TMPRSS7: variants seen among roughly 807,000 people sequenced by gnomAD.
The protein encoded by TMPRSS7 is transmembrane protease serine 7.
In TMPRSS7, 81 loss-of-function variants were observed where a neutral mutation model predicts 95.6. That is an observed-to-expected ratio of 0.85 (90% confidence interval 0.71 to 1.02). The LOEUF (loss-of-function observed/expected upper bound fraction) is 1.02. TMPRSS7 is among the 50% of genes least tolerant of loss of function. TMPRSS7 has a pLI of 0.00. For synonymous variants in TMPRSS7, 364 were observed against 337.8 expected (o/e 1.08, Z -0.85); for missense variants, 945 against 955.2 (o/e 0.99, Z 0.14).
chr3:112,080,921 C>T (rs1055272448), exon 18 of TMPRSS7: 30 of 1,612,014 alleles, frequency 1.9e-5, no homozygotes, highest in South Asian at 8.8e-5. Context: ...TAGGGAGATT[C>T]GGGTGGACCT....
chr3:112,046,925 A>C, intron 5 of TMPRSS7, 49 bp from the exon 6 acceptor site: 1 of 694,376 alleles, frequency 1.4e-6, no homozygotes, highest in South Asian at 1.5e-5. Context: ...AATTCTAACA[A>C]AATGAAATGA....
At chr3:112,059,684 A>G (rs1363575181) in intron 10 of TMPRSS7, among the ~76,000 whole-genome samples, 1 of 152,216 alleles carries the variant, frequency 6.6e-6, no homozygotes, top group Non-Finnish European at 1.5e-5. Flanking sequence ...AGCCAGAAGG[A>G]CATCTGCACT....
In TMPRSS7 at chr3:112,038,831, C is replaced by CT. The variant is rs567128294; in HGVS notation, c.298+522dup. 6.8e-3 allele frequency among the ~76,000 whole-genome samples: 990 copies of CT among 145,452 alleles called. 12 individuals carry two copies. Among genetic ancestry groups the CT allele is most frequent in the South Asian group, 0.024 (108 of 4,558 alleles). On this transcript the variant is annotated intron_variant, in intron 2 of 17. Transcript: ENST00000452346. ...TAAGCCAGAATTCTCTTTCTCATTT[C>CT]TTTTTTTTTTTTACCAACACCATTT... is the stretch of plus-strand genomic sequence containing the variant.
chr3:112,051,975 C>T (rs1043877494), intron 9 of TMPRSS7, among the ~76,000 whole-genome samples: 20 of 152,142 alleles, frequency 1.3e-4, no homozygotes, highest in African/African-American at 4.8e-4. Flanking sequence ...AGGCACGATT[C>T]CAGATACTGG....
chr3:112,043,618 T>G (rs1377342029), intron 3 of TMPRSS7, among the ~76,000 whole-genome samples: 1 of 152,194 alleles, frequency 6.6e-6, no homozygotes, highest in Non-Finnish European at 1.5e-5. Context: ...GTTTTCAAAT[T>G]ACATAGGAAG....
At chr3:112,057,465 T>A (rs892521106) in intron 10 of TMPRSS7, among the ~76,000 whole-genome samples, 7 of 152,046 alleles carry the variant, frequency 4.6e-5, no homozygotes, top group African/African-American at 1.2e-4. Context: ...TGAAAAAAAA[T>A]GTTAGAGACC....
intron 10 of TMPRSS7, among the ~76,000 whole-genome samples, chr3:112,057,749 A>G (rs932667262): frequency 3.9e-5 from 6 of 152,108 alleles, no homozygotes; most frequent in African/African-American, 1.4e-4. Flanking sequence ...TTTTTGAGAC[A>G]GAGTTTTGCT....
chr3:112,069,074 A>G (rs2073610855), intron 13 of TMPRSS7, among the ~76,000 whole-genome samples: 1 of 152,166 alleles, frequency 6.6e-6, no homozygotes, highest in South Asian at 2.1e-4. Flanking sequence ...GCATCTGTTG[A>G]GATAATCACG....
intron 13 of TMPRSS7, 47 bp from the exon 14 acceptor site, chr3:112,074,249 T>A (rs748912100): frequency 4.4e-6 from 6 of 1,370,146 alleles, no homozygotes; most frequent in Middle Eastern, 1.8e-4. Flanking sequence ...TTCACTCAAG[T>A]TTGTTTCTGG....
At chr3:112,042,996 A>G (rs2073228806) in intron 3 of TMPRSS7, 1 of 455,768 alleles carries the variant, frequency 2.2e-6, no homozygotes, top group Non-Finnish European at 4.4e-6. Context: ...AGGTGGTGAG[A>G]GAGAGGGCAC....
chr3:112,036,740 A>G (rs987967959), intron 1 of TMPRSS7, among the ~76,000 whole-genome samples: 1 of 152,210 alleles, frequency 6.6e-6, no homozygotes, highest in African/African-American at 2.4e-5. Flanking sequence ...GAAAGAACCT[A>G]GAAACTGTTG....
chr3:112,037,940 T>C (rs553645983), intron 1 of TMPRSS7, 132 bp from the exon 2 acceptor site: 14 of 605,368 alleles, frequency 2.3e-5, no homozygotes, highest in South Asian at 1.6e-4. Context: ...TAATTTGATA[T>C]ACTTACATAA....
chr3:112,035,583 G>T (rs1311941721), intron 1 of TMPRSS7, among the ~76,000 whole-genome samples: 1 of 152,176 alleles, frequency 6.6e-6, no homozygotes, highest in East Asian at 1.9e-4. Flanking sequence ...GAACTCTTAA[G>T]GACAGTGCAA....
chr3:112,063,844 G>A (rs768106961), intron 12 of TMPRSS7, among the ~76,000 whole-genome samples: 23 of 152,126 alleles, frequency 1.5e-4, no homozygotes, highest in Non-Finnish European at 2.6e-4. Flanking sequence ...GGGCTCATAT[G>A]GGTGGCTCTG....
intron 9 of TMPRSS7, among the ~76,000 whole-genome samples, chr3:112,055,978 G>A (rs948641288): frequency 1.3e-5 from 2 of 152,102 alleles, no homozygotes; most frequent in Admixed American, 6.5e-5. Context: ...GATCACTTGA[G>A]CCCAGGAGTT....
chr3:112,046,888 G>A, intron 5 of TMPRSS7, 86 bp from the exon 6 acceptor site: 1 of 691,600 alleles, frequency 1.4e-6, no homozygotes, highest in Non-Finnish European at 2.6e-6. Flanking sequence ...CTTTAAAGAA[G>A]GACTGAAAAT....
intron 2 of TMPRSS7, 83 bp from the exon 3 acceptor site, chr3:112,041,837 C>A: frequency 1.1e-6 from 1 of 878,402 alleles, no homozygotes. Flanking sequence ...ATTTTAGGAG[C>A]CTCATACTGA....
At chr3:112,049,287 A>G (rs2073316362) in intron 7 of TMPRSS7, among the ~76,000 whole-genome samples, 1 of 151,894 alleles carries the variant, frequency 6.6e-6, no homozygotes, top group African/African-American at 2.4e-5. Flanking sequence ...GCCCACTCCC[A>G]CCCTGTGGAG....
chr3:112,039,059 A>G (rs188555871), intron 2 of TMPRSS7, among the ~76,000 whole-genome samples: 17 of 152,242 alleles, frequency 1.1e-4, no homozygotes, highest in Admixed American at 9.8e-4. Context: ...CCTGAGCTCC[A>G]TTTTGCACAT....
Sources: allele counts gnomAD v4.1 joint callset (sites outside exome capture counted in the v4.1 genomes callset), GRCh38; gene constraint gnomAD v4.1.1; transcripts MANE v1.5; gene names NCBI Gene and HGNC (gene_info 2026-07-23, HGNC 2026-07-21).